The following ASAP1 variants were observed in gnomAD, a reference collection of about 807,000 sequenced individuals.
ASAP1 encodes arf-GAP with SH3 domain, ANK repeat and PH domain-containing protein 1.
ASAP1 carries 43 observed loss-of-function variants against 145.2 expected under a neutral mutation model. The ratio of observed to expected loss-of-function variants is 0.30; its 90% confidence interval spans 0.23 to 0.38. ASAP1 has a LOEUF of 0.38. ASAP1 is among the 10% of genes least tolerant of loss of function. ASAP1 has a pLI of 1.00. For synonymous variants in ASAP1, 546 were observed against 515.5 expected, an observed-to-expected ratio of 1.06 and a Z score of -0.80; for missense variants, 1,018 against 1,355.3, an observed-to-expected ratio of 0.75 and a Z score of 3.91.
At chr8:130,077,225 T>C (rs1005874439) in intron 26 of ASAP1, among the ~76,000 whole-genome samples, 2 of 152,210 alleles carry the variant, frequency 1.3e-5, no homozygotes, top group African/African-American at 4.8e-5. Flanking sequence ...GCTTTCCTTT[T>C]GGAGGACAGG....
chr8:130,126,024 C>G lies in ASAP1; in HGVS notation c.1447G>C (p.Glu483Gln). ...ATGCGAGAAATATGAACCCCCATTT[C>G]CCTATGGATGCCAGAACATTCTATA... ...TCIECSGIHR[E>Q]MGVHISRIQS... Residue 483 changes from glutamate (E) to glutamine (Q), a missense_variant, in exon 17 of 30, where the codon GAA becomes CAA. This residue lies in a region of ASAP1 where 153 missense variants were observed against 221.6 expected (regional missense o/e 0.69). Transcript: ENST00000518721. 5 of 1,614,016 alleles carry G rather than the reference C, an allele frequency of 3.1e-6. No homozygotes were observed. Among genetic ancestry groups the G allele is most frequent in the Non-Finnish European group, 4.2e-6 (5 of 1,179,948 alleles).
intron 4 of ASAP1, among the ~76,000 whole-genome samples, chr8:130,231,357 C>A (rs1380761624): frequency 6.6e-6 from 1 of 152,196 alleles, no homozygotes; most frequent in Non-Finnish European, 1.5e-5. Context: ...ACTTCCACAT[C>A]ATATGCTGGT....
intron 3 of ASAP1, among the ~76,000 whole-genome samples, chr8:130,261,747 A>C (rs1443172814): frequency 6.6e-6 from 1 of 152,156 alleles, no homozygotes; most frequent in Non-Finnish European, 1.5e-5. Flanking sequence ...GTGAGTGCCT[A>C]CATGGAAGCC....
intron 3 of ASAP1, among the ~76,000 whole-genome samples, chr8:130,336,294 A>G (rs1358418243): frequency 6.6e-6 from 1 of 152,228 alleles, no homozygotes; most frequent in African/African-American, 2.4e-5. Context: ...TTAAGGTTAT[A>G]TATACATCAA....
intron 24 of ASAP1, among the ~76,000 whole-genome samples, chr8:130,098,883 C>T (rs964723124): frequency 6.6e-6 from 1 of 152,096 alleles, no homozygotes; most frequent in African/African-American, 2.4e-5. Context: ...AGGAACTTAT[C>T]CTTCCCATCT....
At chr8:130,215,568 C>T (rs1350667123) in intron 4 of ASAP1, among the ~76,000 whole-genome samples, 1 of 152,060 alleles carries the variant, frequency 6.6e-6, no homozygotes, top group African/African-American at 2.4e-5. Flanking sequence ...ACGGTGAAAC[C>T]CCATCTCTAC....
chr8:130,418,668 C>T (rs1032162123), intron 1 of ASAP1, among the ~76,000 whole-genome samples: 1 of 152,040 alleles, frequency 6.6e-6, no homozygotes, highest in Non-Finnish European at 1.5e-5. Context: ...GCAGTCACTC[C>T]CCGTTCCACC....
At chr8:130,209,464 G>A (rs926298914) in intron 5 of ASAP1, among the ~76,000 whole-genome samples, 1 of 151,550 alleles carries the variant, frequency 6.6e-6, no homozygotes, top group African/African-American at 2.4e-5. Flanking sequence ...AAGCAACAGT[G>A]AGTAAAACAG....
chr8:130,153,359 G>GTATATATATATA (rs1208128915), intron 12 of ASAP1, among the ~76,000 whole-genome samples: 7 of 28,936 alleles, frequency 2.4e-4, no homozygotes, highest in East Asian at 2.0e-3. Flanking sequence ...ATATATATAT[G>GTATATATATATA]TATATATATA....
chr8:130,160,819 C>T lies in ASAP1; in HGVS notation c.910-855G>A, dbSNP rs1374046920. The T allele has an allele frequency of 3.9e-6, 5 of 1,279,422 alleles. No homozygotes were observed. In the African/African-American group the frequency reaches 7.7e-5, roughly 20 times the overall value. 79.3% of individuals were successfully genotyped at this position (1,279,422 alleles called of 1,614,324 possible). On this transcript the variant is annotated intron_variant, in intron 11 of 29. Transcript: ENST00000518721. ...CTTCGATCAGGAAGGGCAAAAGAAACAGAGAAAAAAGGCAGAACATTTGAA... is the reference window on the plus strand; with the variant it reads ...CTTCGATCAGGAAGGGCAAAAGAAATAGAGAAAAAAGGCAGAACATTTGAA...
At chr8:130,269,050 A>T (rs1402274983) in intron 3 of ASAP1, among the ~76,000 whole-genome samples, 2 of 152,200 alleles carry the variant, frequency 1.3e-5, no homozygotes, top group Admixed American at 6.5e-5. Context: ...TGGCCTCCAT[A>T]AGGCATTATC....
At chr8:130,244,121 G>A (rs1051949371) in intron 3 of ASAP1, among the ~76,000 whole-genome samples, 13 of 152,136 alleles carry the variant, frequency 8.5e-5, no homozygotes, top group African/African-American at 3.1e-4. Flanking sequence ...GTAATCTTCA[G>A]ATCCAGACTA....
intron 24 of ASAP1, among the ~76,000 whole-genome samples, chr8:130,107,204 A>C (rs2097538395): frequency 1.2e-5 from 1 of 80,378 alleles, no homozygotes; most frequent in Non-Finnish European, 2.6e-5. Context: ...TTTTTTTGAG[A>C]CGGAGTCTCA....
chr8:130,389,653 C>G (rs544852273), intron 2 of ASAP1, among the ~76,000 whole-genome samples: 2 of 152,180 alleles, frequency 1.3e-5, no homozygotes, highest in African/African-American at 4.8e-5. Flanking sequence ...TAAGCTGGAA[C>G]AACTCTACTC....
intron 9 of ASAP1, among the ~76,000 whole-genome samples, chr8:130,177,554 C>G (rs888182662): frequency 6.6e-6 from 1 of 152,138 alleles, no homozygotes; most frequent in Admixed American, 6.6e-5. Flanking sequence ...TTCATAACTG[C>G]CCAACCACAC....
At chr8:130,388,658 C>T (rs1828133154) in intron 2 of ASAP1, among the ~76,000 whole-genome samples, 1 of 152,146 alleles carries the variant, frequency 6.6e-6, no homozygotes, top group Non-Finnish European at 1.5e-5. Context: ...AGAAGAAATC[C>T]AAGCCGGCTT....
intron 1 of ASAP1, among the ~76,000 whole-genome samples, chr8:130,430,431 T>C (rs1830097234): frequency 6.6e-6 from 1 of 152,108 alleles, no homozygotes. Context: ...GTTTGGCAAG[T>C]TGGGTGACTT....
intron 12 of ASAP1, among the ~76,000 whole-genome samples, chr8:130,154,897 C>G (rs540211548): frequency 1.2e-3 from 180 of 152,266 alleles, no homozygotes; most frequent in African/African-American, 4.2e-3. Flanking sequence ...GAAGTACTGG[C>G]CAGGGAAATG....
chr8:130,167,305 A>C, intron 11 of ASAP1: 1 of 527,944 alleles, frequency 1.9e-6, no homozygotes, highest in Non-Finnish European at 3.2e-6. Flanking sequence ...CAAAAAAGTA[A>C]AGAAAAAAGA....
Sources: allele counts gnomAD v4.1 joint callset (sites outside exome capture counted in the v4.1 genomes callset), GRCh38; gene constraint gnomAD v4.1.1; regional missense constraint gnomAD v4.1.1; transcripts MANE v1.5; gene names NCBI Gene and HGNC (gene_info 2026-07-23, HGNC 2026-07-21).